The following CDH18 variants were observed in gnomAD, a reference collection of about 807,000 sequenced individuals.
CDH18 encodes the protein cadherin 18, also known as cadherin-18.
A neutral mutation model predicts 67.9 loss-of-function variants in CDH18; 31 were observed. That is an observed-to-expected ratio of 0.46 (90% CI 0.34 to 0.62). The LOEUF is 0.62. Among genes scored for constraint, CDH18 ranks in the 20% least tolerant of loss-of-function variants. The pLI is 0.01. For missense variants in CDH18, 890 were observed against 975.5 expected (o/e 0.91, Z 1.17); for synonymous variants, 362 against 347.2 (o/e 1.04, Z -0.48).
chr5:20,022,245 G>A (rs1278831713), intron 2 of CDH18, among the ~76,000 whole-genome samples: 4 of 152,150 alleles, frequency 2.6e-5, no homozygotes, highest in African/African-American at 9.7e-5. Context: ...TATAATACAG[G>A]TACTTCGTGG....
intron 1 of CDH18, among the ~76,000 whole-genome samples, chr5:20,473,382 A>G (rs1468832371): frequency 1.3e-5 from 2 of 152,086 alleles, no homozygotes; most frequent in East Asian, 3.8e-4. Context: ...ATTTTGTGAC[A>G]GGACTTTTAT....
intron 1 of CDH18, among the ~76,000 whole-genome samples, chr5:20,404,477 T>C (rs77377895): frequency 0.011 from 1,615 of 152,198 alleles, 33 homozygotes; most frequent in African/African-American, 0.037. Flanking sequence ...TTAGAGGCCA[T>C]TACACAATTT....
intron 3 of CDH18, among the ~76,000 whole-genome samples, chr5:19,764,061 G>A (rs1967166): frequency 0.7 from 102,314 of 146,622 alleles, 41,743 homozygotes; most frequent in South Asian, 0.89. Context: ...CCAGCTACTT[G>A]GGAGGCTGAG....
chr5:19,922,053 G>C lies in CDH18; in HGVS notation c.-257+59007C>G, dbSNP rs1792542764. On this transcript the variant is annotated intron_variant, in intron 2 of 12. Transcript: ENST00000382275. ...ATCAGATCATTTCTGAGAATGTGAA[G>C]GTGGAGGGGTTGGAAGATGGAAAGC... 3.3e-5 allele frequency among the ~76,000 whole-genome samples: 5 copies of C among 152,098 alleles called. No individual in the cohort carries two copies. In the South Asian group the frequency reaches 1.0e-3, roughly 32 times the overall value.
intron 1 of CDH18, among the ~76,000 whole-genome samples, chr5:20,429,166 A>G (rs576439862): frequency 8.6e-5 from 13 of 151,918 alleles, no homozygotes; most frequent in Admixed American, 2.0e-4. Context: ...CCCAGTTTCC[A>G]TTCAAAATTC....
At chr5:19,924,922 A>G (rs1159760320) in intron 2 of CDH18, among the ~76,000 whole-genome samples, 1 of 152,066 alleles carries the variant, frequency 6.6e-6, no homozygotes, top group East Asian at 1.9e-4. Context: ...AATACAATTG[A>G]CCCTTGAACA....
chr5:19,616,579 T>G (rs958025058), intron 5 of CDH18, among the ~76,000 whole-genome samples: 3 of 152,190 alleles, frequency 2.0e-5, no homozygotes, highest in Admixed American at 6.5e-5. Context: ...GTTTTCAAAC[T>G]TGTGTTTACA....
intron 5 of CDH18, among the ~76,000 whole-genome samples, chr5:19,682,898 A>G (rs759223435): frequency 1.3e-5 from 2 of 152,134 alleles, no homozygotes; most frequent in Non-Finnish European, 2.9e-5. Flanking sequence ...GAAGAAATGC[A>G]TCACTGTTGC....
At chr5:19,763,364 C>T (rs542578375) in intron 3 of CDH18, among the ~76,000 whole-genome samples, 164 of 152,148 alleles carry the variant, frequency 1.1e-3, no homozygotes, top group African/African-American at 3.8e-3. Flanking sequence ...GAAAGTAGCA[C>T]AAACAAAGGC....
intron 1 of CDH18, among the ~76,000 whole-genome samples, chr5:20,283,147 A>G (rs1311166562): frequency 7.4e-6 from 1 of 135,388 alleles, no homozygotes; most frequent in Non-Finnish European, 1.7e-5. Context: ...AAACTATAAA[A>G]TTACTAGAAA....
chr5:20,187,142 T>G (rs1310650172), intron 2 of CDH18, among the ~76,000 whole-genome samples: 2 of 151,756 alleles, frequency 1.3e-5, no homozygotes, highest in Non-Finnish European at 2.9e-5. Flanking sequence ...GAGAAGGGAA[T>G]AGGGAATTAA....
At chr5:19,974,519 C>A (rs1314814647) in intron 2 of CDH18, among the ~76,000 whole-genome samples, 2 of 104,642 alleles carry the variant, frequency 1.9e-5, no homozygotes, top group Admixed American at 2.0e-4. Context: ...ATCCTGTCTC[C>A]CAAAAAAAAA....
At chr5:20,556,370 C>T (rs1246376974) in intron 1 of CDH18, among the ~76,000 whole-genome samples, 1 of 152,028 alleles carries the variant, frequency 6.6e-6, no homozygotes, top group Non-Finnish European at 1.5e-5. Flanking sequence ...TGCAAGATGC[C>T]CAGAGTCAAT....
At chr5:19,527,395 G>T (rs879462298) in intron 9 of CDH18, among the ~76,000 whole-genome samples, 13 of 151,212 alleles carry the variant, frequency 8.6e-5, no homozygotes, top group Non-Finnish European at 1.6e-4. Context: ...CACAATGTCT[G>T]GTACATGCTG....
chr5:20,426,801 AC>A (rs1417798423), intron 1 of CDH18, among the ~76,000 whole-genome samples: 4 of 151,076 alleles, frequency 2.6e-5, no homozygotes, highest in Non-Finnish European at 5.9e-5. Context: ...AATGATATGC[AC>A]CCCCTACCTT....
At chr5:19,856,286 T>A (rs1784278609) in intron 2 of CDH18, among the ~76,000 whole-genome samples, 1 of 152,160 alleles carries the variant, frequency 6.6e-6, no homozygotes. Context: ...TACAGTTGAT[T>A]ATGGTACTAA....
intron 1 of CDH18, among the ~76,000 whole-genome samples, chr5:20,471,226 T>C (rs1367586495): frequency 1.3e-5 from 2 of 152,126 alleles, no homozygotes; most frequent in African/African-American, 4.8e-5. Context: ...TTCTGTAAAC[T>C]CAGTTTCATA....
At chr5:19,685,111 A>G (rs1429041694) in intron 5 of CDH18, among the ~76,000 whole-genome samples, 1 of 152,188 alleles carries the variant, frequency 6.6e-6, no homozygotes, top group East Asian at 1.9e-4. Context: ...TGTGGAACCA[A>G]AGAGAAATCA....
intron 3 of CDH18, among the ~76,000 whole-genome samples, chr5:19,776,423 A>C (rs1774387241): frequency 1.3e-5 from 2 of 152,206 alleles, no homozygotes; most frequent in Non-Finnish European, 2.9e-5. Flanking sequence ...TTAATTCTTT[A>C]TGCAAATTAT....
Sources: gnomAD v4.1 joint callset for allele counts (sites outside exome capture counted in the v4.1 genomes callset) on GRCh38, gnomAD v4.1.1 for gene constraint, MANE v1.5 for transcripts, NCBI Gene and HGNC (gene_info 2026-07-23, HGNC 2026-07-21) for gene names.